The following FILIP1L variants were observed in gnomAD, a reference collection of about 807,000 sequenced individuals.
FILIP1L encodes the protein filamin A interacting protein 1 like, also known as filamin A-interacting protein 1-like.
FILIP1L carries 55 observed loss-of-function variants against 96.6 expected under a neutral mutation model. That is an observed-to-expected ratio of 0.57 (90% CI 0.46 to 0.71). The LOEUF is 0.71. Among genes scored for constraint, FILIP1L ranks in the 30% least tolerant of loss-of-function variants. The pLI, the probability that FILIP1L is intolerant of heterozygous loss-of-function variation, is 0.00. For missense variants in FILIP1L, 1,304 were observed against 1,321.2 expected (o/e 0.99, Z 0.20); for synonymous variants, 467 against 473.9 (o/e 0.99, Z 0.19).
intron 4 of FILIP1L, among the ~76,000 whole-genome samples, chr3:99,873,905 A>G (rs1036134800): frequency 7.9e-5 from 12 of 152,204 alleles, no homozygotes; most frequent in African/African-American, 2.7e-4. Flanking sequence ...GCATAAAATT[A>G]TTATGTGCTT....
chr3:99,912,821 A>G (rs1050592637), intron 4 of FILIP1L, among the ~76,000 whole-genome samples: 5 of 152,178 alleles, frequency 3.3e-5, no homozygotes, highest in Admixed American at 6.5e-5. Flanking sequence ...ATATTTGTGT[A>G]CAGATTTTTG....
chr3:100,076,252 A>C (rs1576026304), intron 1 of FILIP1L, among the ~76,000 whole-genome samples: 3 of 152,116 alleles, frequency 2.0e-5, no homozygotes, highest in African/African-American at 7.2e-5. Context: ...TTAATCTCTC[A>C]TCATATGCTT....
At chr3:100,045,816 T>C (rs1413732894) in intron 1 of FILIP1L, among the ~76,000 whole-genome samples, 2 of 152,238 alleles carry the variant, frequency 1.3e-5, no homozygotes, top group African/African-American at 2.4e-5. Flanking sequence ...CAGCAAGGCC[T>C]TCTGGGCTTC....
chr3:100,068,368 GT>G (rs2065702657), intron 1 of FILIP1L, among the ~76,000 whole-genome samples: 1 of 152,052 alleles, frequency 6.6e-6, no homozygotes, highest in East Asian at 1.9e-4. Flanking sequence ...GTGTGTGTGT[GT>G]GTGTGTGTGT....
At chr3:100,100,772 CTCGCAAGGTTAGTA>C (rs934032356) in intron 1 of FILIP1L, among the ~76,000 whole-genome samples, 4 of 151,994 alleles carry the variant, frequency 2.6e-5, no homozygotes, top group African/African-American at 9.7e-5. Context: ...AGTGTGAGAC[CTCGCAAGGTTAGTA>C]TCGCCTTGCT....
chr3:100,111,758 T>C (rs554252382), intron 1 of FILIP1L, among the ~76,000 whole-genome samples: 1 of 152,320 alleles, frequency 6.6e-6, no homozygotes, highest in African/African-American at 2.4e-5. Flanking sequence ...TATTAGTATG[T>C]AAAGTTTTTG....
In FILIP1L at chr3:99,924,409, C is replaced by A; in HGVS notation, c.427-1G>T. 6.2e-7 allele frequency: 1 copy of A among 1,613,614 alleles called. No homozygotes were observed. Among genetic ancestry groups the A allele is most frequent in the Middle Eastern group, 1.7e-4 (1 of 6,060 alleles). ...TATGTTTTTCCACAACTTTGTCCAA[C>A]TACGAAAGAAAACATTTATAGCCTG... On this transcript the variant is annotated splice_acceptor_variant, in intron 3 of 5. Transcript: ENST00000477258. LOFTEE classifies it high-confidence loss of function.
chr3:99,857,419 C>T (rs1443724845), intron 4 of FILIP1L, among the ~76,000 whole-genome samples: 1 of 152,198 alleles, frequency 6.6e-6, no homozygotes, highest in Non-Finnish European at 1.5e-5. Context: ...GGTAAACGTC[C>T]ACATCCTAGC....
chr3:99,934,533 T>C (rs1007807535), intron 1 of FILIP1L, among the ~76,000 whole-genome samples: 1 of 152,224 alleles, frequency 6.6e-6, no homozygotes, highest in African/African-American at 2.4e-5. Context: ...ATCCTGCTGC[T>C]AATCAATGAG....
At chr3:100,068,937 G>A (rs1296094111) in intron 1 of FILIP1L, among the ~76,000 whole-genome samples, 6 of 152,120 alleles carry the variant, frequency 3.9e-5, no homozygotes, top group Admixed American at 3.3e-4. Flanking sequence ...TCTCACCCTC[G>A]CCCAGCAGGT....
intron 1 of FILIP1L, among the ~76,000 whole-genome samples, chr3:100,113,647 T>C (rs900103295): frequency 6.6e-6 from 1 of 152,190 alleles, no homozygotes; most frequent in Non-Finnish European, 1.5e-5. Flanking sequence ...TTTCAACACA[T>C]TGTGATGATT....
chr3:99,899,784 A>G (rs372668652), intron 4 of FILIP1L, among the ~76,000 whole-genome samples: 3 of 152,196 alleles, frequency 2.0e-5, no homozygotes, highest in African/African-American at 7.2e-5. Flanking sequence ...CTGGGTTTGC[A>G]TGTTGAATTG....
chr3:99,953,606 T>C (rs1443803520), intron 1 of FILIP1L, among the ~76,000 whole-genome samples: 2 of 152,194 alleles, frequency 1.3e-5, no homozygotes, highest in African/African-American at 4.8e-5. Context: ...ACCAGTCTTT[T>C]CTAAGATGAC....
At chr3:99,984,064 G>GTGTGTGTGTGTGTGTGTT (rs1485556007) in intron 1 of FILIP1L, among the ~76,000 whole-genome samples, 2 of 152,172 alleles carry the variant, frequency 1.3e-5, no homozygotes, top group East Asian at 3.9e-4. Flanking sequence ...GTGTGTTTGT[G>GTGTGTGTGTGTGTGTGTT]TGTGTGTGTG....
chr3:100,014,857 A>G (rs1472414064), intron 1 of FILIP1L, among the ~76,000 whole-genome samples: 3 of 36,822 alleles, frequency 8.1e-5, no homozygotes, highest in African/African-American at 1.2e-4. Flanking sequence ...ATGCAACACC[A>G]TTTGTCTTTT....
intron 4 of FILIP1L, among the ~76,000 whole-genome samples, chr3:99,860,552 G>C (rs546568294): frequency 1.3e-5 from 2 of 152,182 alleles, no homozygotes; most frequent in South Asian, 4.1e-4. Context: ...AGGCCAGTCT[G>C]AGGGTCCACA....
At chr3:100,005,138 TA>T (rs1709952280) in intron 1 of FILIP1L, among the ~76,000 whole-genome samples, 1 of 152,218 alleles carries the variant, frequency 6.6e-6, no homozygotes, top group Non-Finnish European at 1.5e-5. Context: ...AACCTTATCT[TA>T]CTCAAGGAAG....
At chr3:100,043,597 CAGTT>C (rs1482611874) in intron 1 of FILIP1L, among the ~76,000 whole-genome samples, 1 of 152,166 alleles carries the variant, frequency 6.6e-6, no homozygotes, top group Non-Finnish European at 1.5e-5. Flanking sequence ...CCATTTGAGT[CAGTT>C]AGGACATGGA....
chr3:99,845,413 G>C (rs1268026212), intron 5 of FILIP1L, among the ~76,000 whole-genome samples: 1 of 152,176 alleles, frequency 6.6e-6, no homozygotes, highest in Non-Finnish European at 1.5e-5. Flanking sequence ...AGAATGGTAT[G>C]AGTTTTTCAG....
Sources: allele counts gnomAD v4.1 joint callset (sites outside exome capture counted in the v4.1 genomes callset), GRCh38; gene constraint gnomAD v4.1.1; transcripts MANE v1.5; gene names NCBI Gene and HGNC (gene_info 2026-07-23, HGNC 2026-07-21).